Variants in SGCD observed in about 807,000 individuals in gnomAD.
SGCD encodes the protein delta-sarcoglycan.
Under a neutral mutation model 36.6 loss-of-function variants are expected in SGCD, and 18 were observed. The ratio of observed to expected loss-of-function variants is 0.49; its 90% CI spans 0.34 to 0.73. The LOEUF is 0.73. SGCD is among the 30% of genes least tolerant of loss of function. The pLI is 0.01. For missense variants in SGCD, 387 were observed against 346.7 expected (o/e 1.12, Z -0.92); for synonymous variants, 133 against 130.6 (o/e 1.02, Z -0.12).
At chr5:155,900,111 T>C (rs963709491) in intron 1 of SGCD, among the ~76,000 whole-genome samples, 1 of 152,184 alleles carries the variant, frequency 6.6e-6, no homozygotes, top group Non-Finnish European at 1.5e-5. Context: ...TTGGATTTAT[T>C]TGTATGCCAT....
intron 3 of SGCD, among the ~76,000 whole-genome samples, chr5:156,474,330 G>C (rs963049192): frequency 6.8e-6 from 1 of 146,374 alleles, no homozygotes; most frequent in South Asian, 2.1e-4. Context: ...TGCAAGCACC[G>C]TGTGTCAGGA....
At chr5:156,136,679 AAG>A (rs1226932492) in intron 3 of SGCD, among the ~76,000 whole-genome samples, 1 of 152,234 alleles carries the variant, frequency 6.6e-6, no homozygotes, top group Non-Finnish European at 1.5e-5. Flanking sequence ...TGTAACCTAA[AAG>A]AGAGATTATA....
the SGCD span, among the ~76,000 whole-genome samples, chr5:155,797,899 A>G: frequency 6.6e-6 from 1 of 152,234 alleles, no homozygotes; most frequent in Non-Finnish European, 1.5e-5. Context: ...AAGAAAACTC[A>G]AAAAGCCATC....
At chr5:155,844,005 A>T in the SGCD span, among the ~76,000 whole-genome samples, 1 of 152,236 alleles carries the variant, frequency 6.6e-6, no homozygotes, top group East Asian at 1.9e-4. Flanking sequence ...TATACTCTGA[A>T]CAAACTCTAC....
intron 3 of SGCD, among the ~76,000 whole-genome samples, chr5:156,210,064 C>G (rs1430998693): frequency 6.6e-6 from 1 of 152,184 alleles, no homozygotes; most frequent in African/African-American, 2.4e-5. Context: ...TGCAGGCCTG[C>G]CCTCATGGGT....
At chr5:155,902,366 TC>T (rs1444786536) in intron 1 of SGCD, among the ~76,000 whole-genome samples, 2 of 152,192 alleles carry the variant, frequency 1.3e-5, no homozygotes, top group East Asian at 3.8e-4. Context: ...TTAATGATGT[TC>T]CCTCTTTGAA....
In SGCD at chr5:156,611,702, G is replaced by A. The variant is rs183697296; in HGVS notation, c.502+16651G>A. On this transcript the variant is annotated intron_variant, in intron 6 of 8. Coordinates refer to ENST00000337851, the MANE Select transcript of SGCD (RefSeq NM_000337.6). ...CCTTTCTTCATCTATTCCCCATCTGGCATTTGTATAATGCAAACATTCGTT... is the reference window on the plus strand; with the variant it reads ...CCTTTCTTCATCTATTCCCCATCTGACATTTGTATAATGCAAACATTCGTT... Among the ~76,000 whole-genome samples the A allele has an allele frequency of 2.0e-3, 303 of 152,114 alleles. 2 individuals carry two copies. Among genetic ancestry groups the A allele is most frequent in the African/African-American group, 6.6e-3 (274 of 41,488 alleles).
intron 4 of SGCD, among the ~76,000 whole-genome samples, chr5:156,553,173 A>T (rs1758865177): frequency 6.6e-6 from 1 of 152,060 alleles, no homozygotes; most frequent in South Asian, 2.1e-4. Flanking sequence ...GAAGTCACTC[A>T]CCCCCAATGG....
intron 1 of SGCD, among the ~76,000 whole-genome samples, chr5:156,056,655 A>AAAAAAAAAC (rs1554115110): frequency 7.3e-6 from 1 of 136,506 alleles, no homozygotes; most frequent in Non-Finnish European, 1.6e-5. Context: ...TAAAAAAAAA[A>AAAAAAAAAC]AAAAAAAAAA....
the SGCD span, among the ~76,000 whole-genome samples, chr5:155,805,763 T>A: frequency 6.6e-6 from 1 of 152,186 alleles, no homozygotes; most frequent in Admixed American, 6.5e-5. Context: ...TAGGTCCAGA[T>A]ATCAAAGAGC....
chr5:156,143,364 C>T (rs1196808657), intron 3 of SGCD, among the ~76,000 whole-genome samples: 2 of 152,188 alleles, frequency 1.3e-5, no homozygotes, highest in African/African-American at 4.8e-5. Context: ...TAGGGCAGTG[C>T]AGAGGAGAAA....
intron 4 of SGCD, among the ~76,000 whole-genome samples, chr5:156,542,140 G>T (rs1561766829): frequency 6.6e-6 from 1 of 152,126 alleles, no homozygotes; most frequent in Non-Finnish European, 1.5e-5. Flanking sequence ...CAAAGTTAGG[G>T]GAAAAAGGAA....
At chr5:156,429,035 G>A (rs995883827) in intron 3 of SGCD, among the ~76,000 whole-genome samples, 4 of 151,746 alleles carry the variant, frequency 2.6e-5, no homozygotes, top group Admixed American at 1.3e-4. Flanking sequence ...TTTCTTCTAG[G>A]ATATAGTTTA....
intron 1 of SGCD, among the ~76,000 whole-genome samples, chr5:155,952,613 T>C (rs1581009000): frequency 6.6e-6 from 1 of 152,146 alleles, no homozygotes; most frequent in East Asian, 1.9e-4. Flanking sequence ...GTGTTTGGTA[T>C]TTCACTTCTG....
At chr5:155,887,275 A>G (rs950929429) in intron 1 of SGCD, among the ~76,000 whole-genome samples, 4 of 152,180 alleles carry the variant, frequency 2.6e-5, no homozygotes, top group Non-Finnish European at 5.9e-5. Context: ...CTTCTATTAG[A>G]TGATCAATCT....
upstream of SGCD, among the ~76,000 whole-genome samples, chr5:155,868,056 C>G (rs896659156): frequency 6.9e-6 from 1 of 145,918 alleles, no homozygotes; most frequent in Non-Finnish European, 1.5e-5. Context: ...TGAAGATGAT[C>G]TTTTTTTTTT....
At chr5:156,509,138 A>T (rs1756829943) in intron 4 of SGCD, among the ~76,000 whole-genome samples, 2 of 152,208 alleles carry the variant, frequency 1.3e-5, no homozygotes, top group Admixed American at 1.3e-4. Flanking sequence ...GATCAATTCA[A>T]TATCAAGCTG....
At chr5:156,137,349 T>C (rs1372700965) in intron 3 of SGCD, among the ~76,000 whole-genome samples, 1 of 152,210 alleles carries the variant, frequency 6.6e-6, no homozygotes, top group East Asian at 1.9e-4. Flanking sequence ...AAAAGTGTCA[T>C]GTATTGTGCA....
chr5:156,275,388 T>C (rs1766289948), intron 3 of SGCD, among the ~76,000 whole-genome samples: 2 of 152,198 alleles, frequency 1.3e-5, no homozygotes, highest in South Asian at 4.1e-4. Flanking sequence ...CATACTATCT[T>C]AGTACATAAA....
Sources: gnomAD v4.1 joint callset for allele counts (sites outside exome capture counted in the v4.1 genomes callset) on GRCh38, gnomAD v4.1.1 for gene constraint, MANE v1.5 for transcripts, NCBI Gene and HGNC (gene_info 2026-07-23, HGNC 2026-07-21) for gene names.